SLC25A21: variants seen among roughly 807,000 people sequenced by gnomAD.
The protein encoded by SLC25A21 is mitochondrial 2-oxodicarboxylate carrier.
Under a neutral mutation model 43.8 loss-of-function variants are expected in SLC25A21, and 47 were observed. The ratio of observed to expected loss-of-function variants is 1.07; its 90% CI spans 0.85 to 1.37. SLC25A21 has a LOEUF of 1.37. Among genes scored for constraint, SLC25A21 ranks in the 40% most tolerant of loss-of-function variants. SLC25A21 has a pLI of 0.00. For synonymous variants in SLC25A21, 131 were observed against 121.3 expected (o/e 1.08, Z -0.52); for missense variants, 352 against 350.2 (o/e 1.00, Z -0.04).
chr14:37,105,829 C>T (rs1962901133), intron 1 of SLC25A21, among the ~76,000 whole-genome samples: 1 of 152,044 alleles, frequency 6.6e-6, no homozygotes, highest in African/African-American at 2.4e-5. Flanking sequence ...AGCCAAAATG[C>T]TTCCAAGATG....
intron 3 of SLC25A21, among the ~76,000 whole-genome samples, chr14:36,758,668 G>A (rs1182304696): frequency 2.6e-5 from 4 of 151,978 alleles, no homozygotes; most frequent in East Asian, 3.9e-4. Context: ...CCCAATGGGA[G>A]GAAGCAGCAA....
intron 3 of SLC25A21, among the ~76,000 whole-genome samples, chr14:36,735,722 ACTCAATTCATGGGCTTACCCAGC>A (rs1397640129): frequency 6.6e-6 from 1 of 151,756 alleles, no homozygotes; most frequent in Non-Finnish European, 1.5e-5. Context: ...TGCCTGCTTT[ACTCAATTCATGGGCTTACCCAGC>A]CTCAATTCAC....
rs916332404 is a variant in SLC25A21, at chr14:36,913,998, C to A, written c.71-38994G>T. Among the ~76,000 whole-genome samples the A allele has an allele frequency of 3.3e-5, 5 of 152,224 alleles. No individual in the cohort carries two copies. In the South Asian group the frequency reaches 1.0e-3, roughly 32 times the overall value. ...TGTGTGATCATAAGTCATATAACAT[C>A]GAACTATTATAATTATATAAGAATT... is the stretch of plus-strand genomic sequence containing the variant. On this transcript the variant is annotated intron_variant, in intron 1 of 9. Transcript: ENST00000331299.
rs539056966 is a variant in SLC25A21, at chr14:36,979,197, G to A, written c.71-104193C>T. Among the ~76,000 whole-genome samples, 8 of 152,206 alleles carry A rather than the reference G, an allele frequency of 5.3e-5. No homozygotes were observed. The South Asian group carries it at 1.7e-3, about 32-fold the overall frequency. On this transcript the variant is annotated intron_variant, in intron 1 of 9. Transcript: ENST00000331299. ...TCCTGGTCCTTTGAGCTACTCAAAC[G>A]AACTAGAAAATGGGGTCTTTGCCTT...
chr14:36,825,456 C>T (rs1362755127), intron 2 of SLC25A21, among the ~76,000 whole-genome samples: 1 of 152,172 alleles, frequency 6.6e-6, no homozygotes, highest in East Asian at 1.9e-4. Flanking sequence ...GACCTAGTAG[C>T]AGGCCCAACT....
rs980459431 is a variant in SLC25A21, at chr14:36,803,265, T to C, written c.203+10653A>G. Among the ~76,000 whole-genome samples the C allele has an allele frequency of 2.0e-5, 3 of 152,174 alleles. No homozygotes were observed. In the East Asian group the frequency reaches 5.8e-4, roughly 29 times the overall value. On this transcript the variant is annotated intron_variant, in intron 3 of 9. Coordinates refer to ENST00000331299, the MANE Select transcript of SLC25A21 (RefSeq NM_030631.4). ...GGTAAACAGGTAGTTAAGAAACATT[T>C]TTGAAATGTAACACATATTTTATTT...
intron 1 of SLC25A21, among the ~76,000 whole-genome samples, chr14:37,140,815 G>A (rs1963557130): frequency 6.6e-6 from 1 of 150,922 alleles, no homozygotes. Context: ...CTTTGGAAAA[G>A]TTAAGTCTGG....
chr14:36,933,046 A>C (rs1490384350), intron 1 of SLC25A21, among the ~76,000 whole-genome samples: 1 of 152,170 alleles, frequency 6.6e-6, no homozygotes, highest in African/African-American at 2.4e-5. Flanking sequence ...AGCCTACTGT[A>C]GTTATTTTAA....
chr14:37,026,350 G>A (rs1020199274), intron 1 of SLC25A21, among the ~76,000 whole-genome samples: 2 of 152,054 alleles, frequency 1.3e-5, no homozygotes, highest in Non-Finnish European at 2.9e-5. Flanking sequence ...CGTATTTATG[G>A]AGATTCTTGG....
chr14:36,692,664 T>G (rs573000379), intron 7 of SLC25A21, among the ~76,000 whole-genome samples: 45 of 151,930 alleles, frequency 3.0e-4, no homozygotes, highest in African/African-American at 1.1e-3. Flanking sequence ...AAGAAGGAGG[T>G]TAAGGAAGAT....
At chr14:37,045,864 T>A (rs141602510) in intron 1 of SLC25A21, among the ~76,000 whole-genome samples, 3 of 152,344 alleles carry the variant, frequency 2.0e-5, no homozygotes, top group Non-Finnish European at 4.4e-5. Flanking sequence ...TTATGGAGAC[T>A]ATGTTGTCTC....
At chr14:36,954,170 T>C (rs907131920) in intron 1 of SLC25A21, among the ~76,000 whole-genome samples, 3 of 152,196 alleles carry the variant, frequency 2.0e-5, no homozygotes, top group Non-Finnish European at 4.4e-5. Flanking sequence ...TCAATCTTGA[T>C]GCATCATCCC....
intron 3 of SLC25A21, among the ~76,000 whole-genome samples, chr14:36,765,385 C>T (rs1407438992): frequency 6.6e-6 from 1 of 152,214 alleles, no homozygotes; most frequent in African/African-American, 2.4e-5. Context: ...AAGCCCTTCC[C>T]AAATTCCTAA....
At chr14:36,720,678 T>C (rs1445725987) in intron 6 of SLC25A21, among the ~76,000 whole-genome samples, 1 of 152,246 alleles carries the variant, frequency 6.6e-6, no homozygotes, top group East Asian at 1.9e-4. Context: ...AGAATTCATG[T>C]TAACTTTATA....
At position 37,153,769 on chromosome 14, in the gene SLC25A21, GC is replaced by G. The variant is rs559632363; in HGVS notation, c.70+18511del. 1.2e-4 allele frequency among the ~76,000 whole-genome samples: 19 copies of G among 152,296 alleles called. No individual in the cohort carries two copies. In the South Asian group the frequency reaches 3.3e-3, roughly 27 times the overall value. ...CCTGCTCTCACCACAAGCCCCACGA[GC>G]CTAGCTTCGCTCCTTCACTTCTCCC... On this transcript the variant is annotated intron_variant, in intron 1 of 9. Coordinates refer to ENST00000331299, the MANE Select transcript of SLC25A21 (RefSeq NM_030631.4).
chr14:36,980,463 A>C (rs1433794538), intron 1 of SLC25A21, among the ~76,000 whole-genome samples: 1 of 152,070 alleles, frequency 6.6e-6, no homozygotes, highest in African/African-American at 2.4e-5. Flanking sequence ...TTTTTTCTCT[A>C]AACTTCTCTT....
At chr14:36,998,258 C>A (rs74045223) in intron 1 of SLC25A21, among the ~76,000 whole-genome samples, 3,988 of 152,274 alleles carry the variant, frequency 0.026, 198 homozygotes, top group African/African-American at 0.091. Context: ...GTGTTTCTTA[C>A]ACTTATTTGA....
At chr14:36,977,035 T>C (rs982442139) in intron 1 of SLC25A21, among the ~76,000 whole-genome samples, 2 of 152,234 alleles carry the variant, frequency 1.3e-5, no homozygotes, top group Non-Finnish European at 2.9e-5. Flanking sequence ...TTTCTCTCTG[T>C]GGACATGCAG....
At chr14:37,050,951 T>C (rs1482226722) in intron 1 of SLC25A21, among the ~76,000 whole-genome samples, 1 of 152,218 alleles carries the variant, frequency 6.6e-6, no homozygotes, top group African/African-American at 2.4e-5. Flanking sequence ...CACAGAATAT[T>C]TACTTTTCAG....
Sources: allele counts gnomAD v4.1 joint callset (sites outside exome capture counted in the v4.1 genomes callset), GRCh38; gene constraint gnomAD v4.1.1; transcripts MANE v1.5; gene names NCBI Gene and HGNC (gene_info 2026-07-23, HGNC 2026-07-21).